The following PCSK2 variants were observed in gnomAD, a reference collection of about 807,000 sequenced individuals.
PCSK2 encodes the protein neuroendocrine convertase 2.
In PCSK2, 14 loss-of-function variants were observed where a neutral mutation model predicts 69.7. The ratio of observed to expected loss-of-function variants is 0.20; its 90% CI spans 0.13 to 0.31. The LOEUF (loss-of-function observed/expected upper bound fraction) is 0.31, where lower values mean the gene tolerates loss of function less well. Among genes scored for constraint, PCSK2 ranks in the 10% least tolerant of loss-of-function variants. The probability of loss-of-function intolerance (pLI) is 1.00; values close to 1 mark genes in which losing one functional copy is unlikely to be tolerated. For synonymous variants in PCSK2, 307 were observed against 320.7 expected (o/e 0.96, Z 0.46); for missense variants, 544 against 842.5 (o/e 0.65, Z 4.39).
chr20:17,472,907 T>C (rs1376974589), intron 11 of PCSK2, among the ~76,000 whole-genome samples: 2 of 152,078 alleles, frequency 1.3e-5, no homozygotes, highest in African/African-American at 2.4e-5. Flanking sequence ...ACAAGAAGCA[T>C]TCCCCAGGGC....
Position 17,375,544 on chromosome 20 carries a change from G to T in PCSK2, c.543+6267G>T, listed in dbSNP as rs377499865. On this transcript the variant is annotated intron_variant, in intron 5 of 11. Coordinates refer to ENST00000262545, the MANE Select transcript of PCSK2 (RefSeq NM_002594.5). ...GATGAATATTCAAGGATAGTCATAA[G>T]GGAGGGTTAATCCCTAAGGTGGGCA... Among the ~76,000 whole-genome samples the T allele has an allele frequency of 2.6e-5, 4 of 152,290 alleles. No homozygotes were observed. In the East Asian group the frequency reaches 7.7e-4, roughly 29 times the overall value.
upstream of PCSK2, among the ~76,000 whole-genome samples, chr20:17,226,533 A>G (rs3138661): frequency 1.4e-5 from 2 of 146,822 alleles, no homozygotes; most frequent in East Asian, 2.1e-4. Flanking sequence ...GAGAGAGAGA[A>G]AGAGAGAGAG....
chr20:17,403,930 T>C lies in PCSK2; in HGVS notation c.544-5333T>C, dbSNP rs982205980. On this transcript the variant is annotated intron_variant, in intron 5 of 11. Coordinates refer to ENST00000262545, the MANE Select transcript of PCSK2 (RefSeq NM_002594.5). ...ACATGCTAGTAGGTATATAGTGCCA[T>C]TTGTGTGAAATTGAAAATGACATTC... Among the ~76,000 whole-genome samples, 15 of 152,238 alleles carry C rather than the reference T, an allele frequency of 9.9e-5. 1 individual carries two copies. Among genetic ancestry groups the C allele is most frequent in the African/African-American group, 3.6e-4 (15 of 41,468 alleles).
At chr20:17,376,411 A>T (rs1024278650) in intron 5 of PCSK2, among the ~76,000 whole-genome samples, 1 of 152,198 alleles carries the variant, frequency 6.6e-6, no homozygotes, top group Non-Finnish European at 1.5e-5. Context: ...ACAGCTGCCC[A>T]TGCTAGACCC....
At chr20:17,229,713 G>T (rs1986076451) in intron 1 of PCSK2, among the ~76,000 whole-genome samples, 1 of 151,808 alleles carries the variant, frequency 6.6e-6, no homozygotes, top group Non-Finnish European at 1.5e-5. Context: ...CCTTTTACAC[G>T]TTTAAGTAAC....
Position 17,316,692 on chromosome 20 carries a change from C to G in PCSK2, c.283-41635C>G, listed in dbSNP as rs573932308. On this transcript the variant is annotated intron_variant, in intron 2 of 11. Transcript: ENST00000262545. ...AACGCAGCATCAATTTGTGCTTGAT[C>G]ATTAAGCTAATAATGCCTCCTTTCT... is the stretch of plus-strand genomic sequence containing the variant. Among the ~76,000 whole-genome samples the G allele has an allele frequency of 3.3e-5, 5 of 152,298 alleles. No homozygotes were observed. In the South Asian group the frequency reaches 8.3e-4, roughly 25 times the overall value.
chr20:17,482,064 G>A lies in PCSK2; in HGVS notation c.1911G>A (p.Lys637=). The A allele has an allele frequency of 6.3e-7, 1 of 1,577,418 alleles. No homozygotes were observed. The highest frequency in any genetic ancestry group is 8.6e-7 in the Non-Finnish European group (1 of 1,163,014). Residue 637 remains lysine, a synonymous_variant, in exon 12 of 12, where the codon AAG becomes AAA. Transcript: ENST00000262545. ...GAAGCCTGAAAAGCATCCTTAACAA[G>A]AACTAGCGCTGCACATCCGCCTTTC... The part of the protein sequence containing the change: ...VERSLKSILN[K]N
At chr20:17,449,825 C>A (rs1341354873) in intron 8 of PCSK2, among the ~76,000 whole-genome samples, 1 of 151,894 alleles carries the variant, frequency 6.6e-6, no homozygotes, top group East Asian at 1.9e-4. Context: ...CTGCACCTGG[C>A]ACATTTATAT....
Position 17,482,116 on chromosome 20 carries a change from C to T in PCSK2, c.*46C>T. On this transcript the variant is annotated 3_prime_UTR_variant, in exon 12 of 12. Coordinates refer to ENST00000262545, the MANE Select transcript of PCSK2 (RefSeq NM_002594.5). ...CACCGCCCTCCCTCCCCAGCTCCGCCTCTGTCCTCGCTCCACGTTTCAGGC... is the reference window on the plus strand; with the variant it reads ...CACCGCCCTCCCTCCCCAGCTCCGCTTCTGTCCTCGCTCCACGTTTCAGGC... 6.6e-7 allele frequency: 1 copy of T among 1,511,938 alleles called. No homozygotes were observed. Among genetic ancestry groups the T allele is most frequent in the Middle Eastern group, 2.4e-4 (1 of 4,084 alleles). 93.7% of individuals were successfully genotyped at this position (1,511,938 alleles called of 1,614,324 possible).
At chr20:17,243,003 G>C (rs1434705323) in intron 1 of PCSK2, among the ~76,000 whole-genome samples, 1 of 152,118 alleles carries the variant, frequency 6.6e-6, no homozygotes, top group Non-Finnish European at 1.5e-5. Context: ...TTCTTGTTCA[G>C]TAGTTTTGAT....
At chr20:17,402,956 C>CAA (rs1026767768) in intron 5 of PCSK2, among the ~76,000 whole-genome samples, 1 of 135,928 alleles carries the variant, frequency 7.4e-6, no homozygotes, top group East Asian at 2.1e-4. Flanking sequence ...GACTCCGTCT[C>CAA]AAAAAAAAAA....
chr20:17,243,540 T>TA (rs1397813923), intron 1 of PCSK2, among the ~76,000 whole-genome samples: 5 of 152,176 alleles, frequency 3.3e-5, no homozygotes, highest in African/African-American at 1.2e-4. Context: ...GTAAGTTGTG[T>TA]TTTTTTAGTT....
chr20:17,228,174 A>G (rs1986003830), intron 1 of PCSK2: 2 of 152,162 alleles, frequency 1.3e-5, no homozygotes, highest in African/African-American at 2.4e-5. Context: ...GTGGATTTTG[A>G]GGGGGATTCC....
intron 10 of PCSK2, chr20:17,464,204 C>CT (rs1195717444): frequency 1.3e-5 from 2 of 152,228 alleles, no homozygotes; most frequent in East Asian, 3.9e-4. Context: ...GGATGAGGCC[C>CT]TAGGCATGAG....
chr20:17,355,218 T>G (rs1209373371), intron 2 of PCSK2, among the ~76,000 whole-genome samples: 1 of 152,218 alleles, frequency 6.6e-6, no homozygotes, highest in Non-Finnish European at 1.5e-5. Flanking sequence ...GTAATAGCCA[T>G]TCCTGCACTG....
At chr20:17,433,813 CCCCCCACTTCCT>C (rs1568647774) in intron 7 of PCSK2, among the ~76,000 whole-genome samples, 258 of 98,568 alleles carry the variant, frequency 2.6e-3, no homozygotes, top group East Asian at 4.1e-3. Flanking sequence ...CTCTCTCTCT[CCCCCCACTTCCT>C]TCCCTCCTCC....
chr20:17,423,481 T>C (rs894000177), intron 6 of PCSK2, among the ~76,000 whole-genome samples: 3 of 152,198 alleles, frequency 2.0e-5, no homozygotes, highest in Middle Eastern at 6.8e-3. Flanking sequence ...CTTTAAAAGG[T>C]GCTAGACTCT....
At chr20:17,343,915 C>T (rs569277657) in intron 2 of PCSK2, among the ~76,000 whole-genome samples, 1 of 152,312 alleles carries the variant, frequency 6.6e-6, no homozygotes, top group African/African-American at 2.4e-5. Context: ...TGCTTTTAGA[C>T]CTCTGATTCC....
chr20:17,411,236 A>G (rs1476422303), intron 6 of PCSK2, among the ~76,000 whole-genome samples: 1 of 152,170 alleles, frequency 6.6e-6, no homozygotes, highest in African/African-American at 2.4e-5. Flanking sequence ...GACTAGTTGG[A>G]CAGTGGGTGC....
Sources: gnomAD v4.1 joint callset for allele counts (sites outside exome capture counted in the v4.1 genomes callset) on GRCh38, gnomAD v4.1.1 for gene constraint, MANE v1.5 for transcripts, NCBI Gene and HGNC (gene_info 2026-07-23, HGNC 2026-07-21) for gene names.